PTN: variants seen among roughly 807,000 people sequenced by gnomAD.
The protein encoded by PTN is heparin affin regulatory protein.
In PTN, 18 loss-of-function variants were observed where a neutral mutation model predicts 24.1. The observed-to-expected ratio is 0.75, with a 90% confidence interval of 0.52 to 1.11. The LOEUF is 1.11. Among genes scored for constraint, PTN ranks in the 50% least tolerant of loss-of-function variants. The pLI is 0.00. For synonymous variants in PTN, 78 were observed against 68.6 expected, an observed-to-expected ratio of 1.14 and a Z score of -0.67; for missense variants, 163 against 198.8, an observed-to-expected ratio of 0.82 and a Z score of 1.08.
At chr7:137,297,552 A>T (rs1310896034) in intron 1 of PTN, among the ~76,000 whole-genome samples, 2 of 152,070 alleles carry the variant, frequency 1.3e-5, no homozygotes, top group African/African-American at 4.8e-5. Context: ...TCTGAGGTGG[A>T]AACTAGAAGG....
chr7:137,298,147 G>C (rs1809749457), intron 1 of PTN, among the ~76,000 whole-genome samples: 2 of 152,022 alleles, frequency 1.3e-5, no homozygotes, highest in South Asian at 4.1e-4. Flanking sequence ...GGATTCTTAA[G>C]TATAAAAACA....
chr7:137,244,926 T>A (rs182463326), intron 4 of PTN, among the ~76,000 whole-genome samples: 1 of 152,292 alleles, frequency 6.6e-6, no homozygotes, highest in East Asian at 1.9e-4. Context: ...ATAGCAACTC[T>A]CGATATTAAG....
intron 1 of PTN, among the ~76,000 whole-genome samples, chr7:137,273,555 A>C (rs1486154407): frequency 6.6e-6 from 1 of 152,232 alleles, no homozygotes. Context: ...CTGGATACTT[A>C]TGAAAACTCA....
chr7:137,331,092 T>G (rs10282363), intron 1 of PTN, among the ~76,000 whole-genome samples: 58,506 of 152,048 alleles, frequency 0.38, 11,551 homozygotes, highest in South Asian at 0.47. Flanking sequence ...TTCTTTTGTC[T>G]TATTGGTCTT....
intron 4 of PTN, among the ~76,000 whole-genome samples, chr7:137,233,675 T>G (rs549269043): frequency 1.6e-4 from 24 of 152,022 alleles, no homozygotes; most frequent in African/African-American, 5.8e-4. Flanking sequence ...GTTTTCTTGT[T>G]GCTAATTTAC....
intron 1 of PTN, among the ~76,000 whole-genome samples, chr7:137,335,394 G>T (rs955202646): frequency 6.6e-6 from 1 of 152,024 alleles, no homozygotes; most frequent in African/African-American, 2.4e-5. Context: ...AGCAAATCAG[G>T]TGGTGTCTGC....
chr7:137,327,556 G>C (rs1428447145), intron 1 of PTN, among the ~76,000 whole-genome samples: 2 of 151,954 alleles, frequency 1.3e-5, no homozygotes, highest in Non-Finnish European at 2.9e-5. Flanking sequence ...AGAACTTTGG[G>C]ATGTGACGGG....
At chr7:137,276,826 C>T (rs1328134674) in intron 1 of PTN, among the ~76,000 whole-genome samples, 1 of 151,910 alleles carries the variant, frequency 6.6e-6, no homozygotes, top group African/African-American at 2.4e-5. Flanking sequence ...AAAATATTTA[C>T]TCAGTAAAGT....
At chr7:137,277,521 G>A (rs1453981936) in intron 1 of PTN, among the ~76,000 whole-genome samples, 3 of 152,086 alleles carry the variant, frequency 2.0e-5, no homozygotes, top group East Asian at 3.9e-4. Context: ...CTATCAACAG[G>A]TACATTGATG....
At chr7:137,328,495 T>C (rs1462369659) in intron 1 of PTN, among the ~76,000 whole-genome samples, 1 of 152,188 alleles carries the variant, frequency 6.6e-6, no homozygotes, top group African/African-American at 2.4e-5. Flanking sequence ...CAGGATTTTT[T>C]TCCCATCCTT....
intron 1 of PTN, among the ~76,000 whole-genome samples, chr7:137,272,161 T>C (rs932934190): frequency 1.3e-5 from 2 of 152,322 alleles, no homozygotes; most frequent in South Asian, 4.1e-4. Context: ...ATCTTCCTGT[T>C]GTCTTTCTTA....
At chr7:137,329,818 T>C (rs1341051469) in intron 1 of PTN, among the ~76,000 whole-genome samples, 1 of 152,142 alleles carries the variant, frequency 6.6e-6, no homozygotes, top group Non-Finnish European at 1.5e-5. Flanking sequence ...TCAATGCATA[T>C]TCAGGAAGTG....
At chr7:137,342,542 T>TGTGC (rs1446760489) in intron 1 of PTN, among the ~76,000 whole-genome samples, 1 of 151,822 alleles carries the variant, frequency 6.6e-6, no homozygotes, top group African/African-American at 2.4e-5. Context: ...TGTGTGTGTG[T>TGTGC]GTGTGTTGTG....
At chr7:137,324,230 T>TA (rs1406433206) in intron 1 of PTN, among the ~76,000 whole-genome samples, 2 of 151,490 alleles carry the variant, frequency 1.3e-5, no homozygotes, top group Non-Finnish European at 2.9e-5. Context: ...GTGGCCTTGC[T>TA]AAAAATTAAC....
At chr7:137,247,269 T>C (rs1221007418) in intron 4 of PTN, among the ~76,000 whole-genome samples, 1 of 152,194 alleles carries the variant, frequency 6.6e-6, no homozygotes, top group Admixed American at 6.5e-5. Flanking sequence ...GCAACGTAAG[T>C]GGCCATCAAC....
chr7:137,239,783 G>C (rs1021307441), intron 4 of PTN, among the ~76,000 whole-genome samples: 1 of 152,160 alleles, frequency 6.6e-6, no homozygotes, highest in Non-Finnish European at 1.5e-5. Flanking sequence ...AAGTGAATAA[G>C]TTGTAGTATA....
At chr7:137,306,657 G>A (rs1809893620) in intron 1 of PTN, among the ~76,000 whole-genome samples, 1 of 151,916 alleles carries the variant, frequency 6.6e-6, no homozygotes, top group Admixed American at 6.6e-5. Context: ...AAAAATAGCT[G>A]AGTTTTCATC....
At chr7:137,233,054 T>A (rs1808455914) in intron 4 of PTN, among the ~76,000 whole-genome samples, 1 of 151,934 alleles carries the variant, frequency 6.6e-6, no homozygotes, top group African/African-American at 2.4e-5. Context: ...ATACAGTAAA[T>A]GCAGTGAGAA....
At chr7:137,267,124 TTAAC>T (rs1386291821) in intron 1 of PTN, among the ~76,000 whole-genome samples, 3 of 152,204 alleles carry the variant, frequency 2.0e-5, no homozygotes, top group African/African-American at 7.2e-5. Flanking sequence ...TGTATTTTTC[TTAAC>T]TACTTGTATA....
Sources: allele counts gnomAD v4.1 joint callset (sites outside exome capture counted in the v4.1 genomes callset), GRCh38; gene constraint gnomAD v4.1.1; transcripts MANE v1.5; gene names NCBI Gene and HGNC (gene_info 2026-07-23, HGNC 2026-07-21).